Variants in FGD5 observed in about 807,000 individuals in gnomAD.
The protein encoded by FGD5 is FYVE, RhoGEF and PH domain-containing protein 5.
In FGD5, 28 loss-of-function variants were observed where a neutral mutation model predicts 133.4. That is an observed-to-expected ratio of 0.21 (90% confidence interval 0.16 to 0.29). The LOEUF (loss-of-function observed/expected upper bound fraction) is 0.29, where lower values mean the gene tolerates loss of function less well. FGD5 is among the 10% of genes least tolerant of loss of function. The pLI is 1.00. For synonymous variants in FGD5, 810 were observed against 776.5 expected (o/e 1.04, Z -0.72); for missense variants, 1,858 against 1,895.2 (o/e 0.98, Z 0.36).
At chr3:14,866,765 A>C (rs925629845) in intron 2 of FGD5, among the ~76,000 whole-genome samples, 24 of 152,318 alleles carry the variant, frequency 1.6e-4, no homozygotes, top group Admixed American at 1.1e-3. Context: ...TTCAGCCGGG[A>C]CTCAGCAGTG....
At chr3:14,816,202 A>G (rs1322403927), upstream of FGD5, among the ~76,000 whole-genome samples, 3 of 152,128 alleles carry the variant, frequency 2.0e-5, no homozygotes, top group South Asian at 6.2e-4. Context: ...GTCATTTTTC[A>G]TGGCCCACCT....
chr3:14,875,684 G>A (rs1408522702), intron 2 of FGD5, among the ~76,000 whole-genome samples: 1 of 152,176 alleles, frequency 6.6e-6, no homozygotes, highest in Non-Finnish European at 1.5e-5. Flanking sequence ...GGCCAGTCAA[G>A]GGTACAGGGA....
intron 1 of FGD5, among the ~76,000 whole-genome samples, chr3:14,840,731 A>G (rs115715620): frequency 6.3e-4 from 96 of 152,298 alleles, no homozygotes; most frequent in African/African-American, 2.3e-3. Flanking sequence ...TCTGGAGGTA[A>G]AAACAAAAAC....
chr3:14,895,334 G>A (rs2125130479), intron 4 of FGD5, among the ~76,000 whole-genome samples: 1 of 152,244 alleles, frequency 6.6e-6, no homozygotes, highest in Non-Finnish European at 1.5e-5. Flanking sequence ...CATCATAGTT[G>A]GAGGTCTTAG....
chr3:14,909,497 C>T (rs149659867), intron 10 of FGD5, among the ~76,000 whole-genome samples: 3 of 152,220 alleles, frequency 2.0e-5, no homozygotes, highest in Non-Finnish European at 4.4e-5. Flanking sequence ...TTGTATGCGC[C>T]CAGCCTTATA....
chr3:14,836,700 G>A (rs572811183), intron 1 of FGD5, among the ~76,000 whole-genome samples: 59 of 152,310 alleles, frequency 3.9e-4, no homozygotes, highest in African/African-American at 1.4e-3. Context: ...GGTTCCTTGA[G>A]TAACCAAGTG....
intron 1 of FGD5, among the ~76,000 whole-genome samples, chr3:14,850,629 G>C (rs2037142658): frequency 6.6e-6 from 1 of 152,236 alleles, no homozygotes; most frequent in Admixed American, 6.5e-5. Context: ...GGAGGACACA[G>C]AAATGCATAG....
In FGD5 at chr3:14,818,967, C is replaced by G. The variant is rs2125066477; in HGVS notation, c.-105C>G. 8 of 1,446,304 alleles carry G rather than the reference C, an allele frequency of 5.5e-6. No individual in the cohort carries two copies. Among genetic ancestry groups the G allele is most frequent in the Non-Finnish European group, 7.3e-6 (8 of 1,100,098 alleles). 89.6% of individuals were successfully genotyped at this position (1,446,304 alleles called of 1,614,324 possible). ...TTTTTGTCATCTAGATTCACCAAAA[C>G]CACCTGTCGCTCCCAAGCCAAAGAC... is the stretch of plus-strand genomic sequence containing the variant. On this transcript the variant is annotated 5_prime_UTR_variant, in exon 1 of 20. Coordinates refer to ENST00000285046, the MANE Select transcript of FGD5 (RefSeq NM_152536.4).
intron 11 of FGD5, among the ~76,000 whole-genome samples, chr3:14,911,887 G>A (rs888932401): frequency 3.3e-5 from 5 of 151,228 alleles, no homozygotes; most frequent in Non-Finnish European, 5.9e-5. Context: ...TGCTGGGTGC[G>A]CACACTGTGC....
At chr3:14,895,203 G>A (rs1384146786) in intron 4 of FGD5, among the ~76,000 whole-genome samples, 1 of 152,154 alleles carries the variant, frequency 6.6e-6, no homozygotes, top group Non-Finnish European at 1.5e-5. Context: ...AAACTTTTTA[G>A]ACTGATGTAG....
chr3:14,860,156 A>G (rs1037907461), intron 1 of FGD5, among the ~76,000 whole-genome samples: 6 of 152,182 alleles, frequency 3.9e-5, no homozygotes, highest in African/African-American at 1.2e-4. Context: ...GGCTTTTGGC[A>G]GGGGATGAGG....
chr3:14,844,204 TAAAAAAAAAA>T (rs1168327274), intron 1 of FGD5, among the ~76,000 whole-genome samples: 4 of 17,242 alleles, frequency 2.3e-4, no homozygotes, highest in Admixed American at 8.7e-4. Flanking sequence ...TAATAGGCAT[TAAAAAAAAAA>T]AAAATATATA....
At chr3:14,844,217 A>AAAAAAAAAAAATATATAT (rs1559477363) in intron 1 of FGD5, among the ~76,000 whole-genome samples, 1 of 20,384 alleles carries the variant, frequency 4.9e-5, no homozygotes. Flanking sequence ...AAAAAAAAAA[A>AAAAAAAAAAAATATATAT]ATATATATAT....
intron 11 of FGD5, among the ~76,000 whole-genome samples, chr3:14,913,267 C>T (rs1387034920): frequency 6.6e-6 from 1 of 152,126 alleles, no homozygotes; most frequent in African/African-American, 2.4e-5. Context: ...AGGTAGAAGC[C>T]GCTTATCTGA....
chr3:14,843,892 G>C (rs151311221), intron 1 of FGD5, among the ~76,000 whole-genome samples: 2,400 of 151,200 alleles, frequency 0.016, 58 homozygotes, highest in African/African-American at 0.054. Flanking sequence ...ATGGGTTTTC[G>C]CCATGTTGGC....
At chr3:14,823,518 G>A (rs2036544492) in intron 1 of FGD5, among the ~76,000 whole-genome samples, 3 of 152,164 alleles carry the variant, frequency 2.0e-5, no homozygotes, top group Non-Finnish European at 4.4e-5. Context: ...TGCCTCTGTA[G>A]AATCACAGAG....
At chr3:14,905,448 C>T (rs1339231528) in intron 9 of FGD5, among the ~76,000 whole-genome samples, 1 of 152,068 alleles carries the variant, frequency 6.6e-6, no homozygotes, top group African/African-American at 2.4e-5. Context: ...TTGGGAAATC[C>T]TCTTGGATGC....
At chr3:14,828,416 TC>T (rs772227586) in intron 1 of FGD5, among the ~76,000 whole-genome samples, 33 of 152,326 alleles carry the variant, frequency 2.2e-4, no homozygotes, top group Admixed American at 5.9e-4. Flanking sequence ...AGAAGGTACC[TC>T]AATACCTTTA....
At position 14,897,642 on chromosome 3, in the gene FGD5, A is replaced by G; in HGVS notation, c.2882A>G (p.Glu961Gly). ...CACGACCTTCATCAAGGCATCCTGG[A>G]GGAGCTGGAGGAAAGGCTGTCAAAT... ...AIHDLHQGIL[E>G]ELEERLSNWE... The change falls in exon 5 of 20, where the codon GAG becomes GGG. Residue 961 changes from glutamate to glycine, a missense_variant. This residue lies in a region of FGD5 where 1,824 missense variants were observed against 1,848.9 expected (regional missense o/e 0.99). Coordinates refer to ENST00000285046, the MANE Select transcript of FGD5 (RefSeq NM_152536.4). 9 of 1,605,352 alleles carry G rather than the reference A, an allele frequency of 5.6e-6. No individual in the cohort carries two copies. Among genetic ancestry groups the G allele is most frequent in the Non-Finnish European group, 7.7e-6 (9 of 1,175,996 alleles).
Sources: gnomAD v4.1 joint callset for allele counts (sites outside exome capture counted in the v4.1 genomes callset) on GRCh38, gnomAD v4.1.1 for gene constraint, gnomAD v4.1.1 regional missense constraint, MANE v1.5 for transcripts, NCBI Gene and HGNC (gene_info 2026-07-23, HGNC 2026-07-21) for gene names.